ABCB1: variants seen among roughly 807,000 people sequenced by gnomAD.
ABCB1 encodes ATP-dependent translocase ABCB1.
In ABCB1, 69 loss-of-function variants were observed where a neutral mutation model predicts 142.0. The observed-to-expected ratio is 0.49, with a 90% CI of 0.40 to 0.59. The LOEUF (loss-of-function observed/expected upper bound fraction) is 0.59, where lower values mean the gene tolerates loss of function less well. Among genes scored for constraint, ABCB1 ranks in the 20% least tolerant of loss-of-function variants. The probability of loss-of-function intolerance (pLI) is 0.00; values close to 1 mark genes in which losing one functional copy is unlikely to be tolerated. For missense variants in ABCB1, 1,326 were observed against 1,554.7 expected, an observed-to-expected ratio of 0.85 and a Z score of 2.47; for synonymous variants, 532 against 539.2, an observed-to-expected ratio of 0.99 and a Z score of 0.18.
At chr7:87,630,553 A>G (rs888203057) in intron 1 of ABCB1, among the ~76,000 whole-genome samples, 3 of 152,192 alleles carry the variant, frequency 2.0e-5, no homozygotes, top group African/African-American at 7.2e-5. Context: ...ATATACAGAC[A>G]TCAAAAATTG....
intron 4 of ABCB1, among the ~76,000 whole-genome samples, chr7:87,573,804 G>A (rs1219274547): frequency 1.3e-5 from 2 of 152,084 alleles, no homozygotes. Flanking sequence ...AGTAGCTAGA[G>A]CACTGTGCAG....
chr7:87,521,173 A>G, intron 21 of ABCB1: 1 of 413,022 alleles, frequency 2.4e-6, no homozygotes, highest in Non-Finnish European at 4.4e-6. Flanking sequence ...TAACCAGAGA[A>G]CTCACAGTAC....
At chr7:87,623,893 A>C (rs765048037) in intron 1 of ABCB1, among the ~76,000 whole-genome samples, 15 of 151,980 alleles carry the variant, frequency 9.9e-5, no homozygotes, top group Non-Finnish European at 1.8e-4. Context: ...ATATTCCCCC[A>C]TACCACCACT....
chr7:87,565,459 T>A (rs1365705649), intron 7 of ABCB1: 1 of 455,534 alleles, frequency 2.2e-6, no homozygotes, highest in Admixed American at 2.4e-5. Context: ...TCTACCTCTC[T>A]GCCTTCATGA....
intron 3 of ABCB1, among the ~76,000 whole-genome samples, chr7:87,592,065 A>C (rs898086230): frequency 6.6e-6 from 1 of 152,236 alleles, no homozygotes; most frequent in African/African-American, 2.4e-5. Context: ...CAGGAGCCAA[A>C]CTTCAATAGG....
Position 87,545,879 on chromosome 7 carries a change from T to C in ABCB1, c.1871A>G (p.Lys624Arg), listed in dbSNP as rs141018820. 130 of 1,614,048 alleles carry C rather than the reference T, an allele frequency of 8.1e-5. No homozygotes were observed. The highest frequency in any genetic ancestry group is 1.7e-4 in the Admixed American group (10 of 60,004). ...ELMKEKGIYF[K>R]LVTMQTAGNE... Reference sequence around the variant, plus strand: ...AAACTATACCTGCATTGTGACAAGTTTGAAGTAAATGCCTTTCTCTTTCAT... The same window carrying C: ...AAACTATACCTGCATTGTGACAAGTCTGAAGTAAATGCCTTTCTCTTTCAT... Residue 624 changes from lysine (K) to arginine (R), a missense_variant, in exon 15 of 28, where the codon AAA becomes AGA. Lys to Arg is a conservative substitution (Grantham distance 26). Coordinates refer to ENST00000622132, the MANE Select transcript of ABCB1 (RefSeq NM_001348946.2).
chr7:87,578,160 CATT>C (rs1818351265), intron 4 of ABCB1, among the ~76,000 whole-genome samples: 1 of 152,160 alleles, frequency 6.6e-6, no homozygotes, highest in South Asian at 2.1e-4. Flanking sequence ...CTCCCACCAC[CATT>C]TTTTGAAGAG....
At chr7:87,626,160 A>G (rs142820683) in intron 1 of ABCB1, among the ~76,000 whole-genome samples, 14 of 130,280 alleles carry the variant, frequency 1.1e-4, no homozygotes, top group Admixed American at 3.0e-4. Context: ...TGTCATATAT[A>G]TGTGTCATAT....
chr7:87,577,919 C>G (rs1818342071), intron 4 of ABCB1, among the ~76,000 whole-genome samples: 1 of 152,138 alleles, frequency 6.6e-6, no homozygotes, highest in African/African-American at 2.4e-5. Flanking sequence ...AGGTTTTTAA[C>G]TTGATGTGAT....
intron 1 of ABCB1, among the ~76,000 whole-genome samples, chr7:87,616,462 A>G (rs1244410449): frequency 6.6e-6 from 1 of 152,226 alleles, no homozygotes; most frequent in African/African-American, 2.4e-5. Context: ...AAACAATGTT[A>G]AGGTCAAAAT....
intron 3 of ABCB1, among the ~76,000 whole-genome samples, chr7:87,586,824 A>G (rs945798708): frequency 7.9e-5 from 12 of 152,230 alleles, no homozygotes; most frequent in Non-Finnish European, 1.5e-4. Flanking sequence ...AATGAATGGC[A>G]GTCCATAAAG....
chr7:87,682,857 C>T (rs1351847569), intron 1 of ABCB1, among the ~76,000 whole-genome samples: 1 of 152,176 alleles, frequency 6.6e-6, no homozygotes, highest in Non-Finnish European at 1.5e-5. Flanking sequence ...TCCTTTGAAG[C>T]GTTAAAGCCA....
At position 87,615,979 on chromosome 7, in the gene ABCB1, G is replaced by A. The variant is rs186855659; in HGVS notation, c.-330-14901C>T. 6.8e-3 allele frequency among the ~76,000 whole-genome samples: 1,041 copies of A among 152,294 alleles called. 6 individuals carry two copies. Among genetic ancestry groups the A allele is most frequent in the Admixed American group, 0.011 (166 of 15,304 alleles). ...TGAGGAGAGCATAACAAGCTCATGC[G>A]TGGCTTTGCTAATACTTAAGTTCAT... On this transcript the variant is annotated intron_variant, in intron 1 of 28. Transcript: ENST00000265724.
At chr7:87,675,653 C>CAAAA (rs200136132) in intron 1 of ABCB1, among the ~76,000 whole-genome samples, 4 of 65,838 alleles carry the variant, frequency 6.1e-5, no homozygotes, top group African/African-American at 1.7e-4. Flanking sequence ...TATTCACATG[C>CAAAA]AAAAAAAAAA....
chr7:87,526,129 C>T (rs1346420853), intron 21 of ABCB1, among the ~76,000 whole-genome samples: 1 of 151,238 alleles, frequency 6.6e-6, no homozygotes, highest in Non-Finnish European at 1.5e-5. Context: ...TTGAGGTTCT[C>T]CAAAATCTAT....
At chr7:87,645,130 C>T (rs1218826933) in intron 1 of ABCB1, among the ~76,000 whole-genome samples, 16 of 149,936 alleles carry the variant, frequency 1.1e-4, no homozygotes, top group East Asian at 3.9e-4. Context: ...TTGCTCAGGC[C>T]GGAGTGCAGT....
chr7:87,519,809 T>C (rs1815412888), intron 22 of ABCB1, among the ~76,000 whole-genome samples: 1 of 152,196 alleles, frequency 6.6e-6, no homozygotes, highest in South Asian at 2.1e-4. Context: ...AGTATGGAAG[T>C]ACTCTACGTA....
rs1817557571 is a variant in ABCB1 at position 87,561,364 on chromosome 7, T to C, written c.726A>G (p.Lys242=). The C allele has an allele frequency of 1.2e-6, 2 of 1,613,386 alleles. No homozygotes were observed. Among genetic ancestry groups the C allele is most frequent in the South Asian group, 2.2e-5 (2 of 91,022 alleles). Residue 242 remains lysine (K), a synonymous_variant, in exon 8 of 28, where the codon AAA becomes AAG. Coordinates refer to ENST00000622132, the MANE Select transcript of ABCB1 (RefSeq NM_001348946.2). ...WAKILSSFTD[K]ELLAYAKAGA... is the part of the protein sequence containing the mutation. Reference sequence around the variant, plus strand: ...CAGCTTTTGCATACGCTAAGAGTTCTTTATCAGTAAATGAAGATAGTATCT... The same window carrying C: ...CAGCTTTTGCATACGCTAAGAGTTCCTTATCAGTAAATGAAGATAGTATCT...
At chr7:87,671,522 G>A (rs564787902) in intron 1 of ABCB1, among the ~76,000 whole-genome samples, 3 of 152,206 alleles carry the variant, frequency 2.0e-5, no homozygotes, top group East Asian at 1.9e-4. Flanking sequence ...TGGTTGCCTC[G>A]GATTTTCTAG....
Sources: allele counts gnomAD v4.1 joint callset (sites outside exome capture counted in the v4.1 genomes callset), GRCh38; gene constraint gnomAD v4.1.1; transcripts MANE v1.5; gene names NCBI Gene and HGNC (gene_info 2026-07-23, HGNC 2026-07-21).